Variants in DISC1 observed in about 807,000 individuals in gnomAD.
The protein encoded by DISC1 is disrupted in schizophrenia 1 protein.
In DISC1, 57 loss-of-function variants were observed where a neutral mutation model predicts 84.5. The ratio of observed to expected loss-of-function variants is 0.67; its 90% CI spans 0.55 to 0.84. The LOEUF is 0.84. Ranked by LOEUF, DISC1 falls within the 40% of genes least tolerant of loss-of-function variation. DISC1 has a pLI of 0.00. For synonymous variants in DISC1, 411 were observed against 415.2 expected (o/e 0.99, Z 0.12); for missense variants, 1,000 against 1,057.8 (o/e 0.95, Z 0.76).
At chr1:231,711,265 A>G (rs1420542314) in intron 3 of DISC1, among the ~76,000 whole-genome samples, 1 of 152,184 alleles carries the variant, frequency 6.6e-6, no homozygotes, top group Non-Finnish European at 1.5e-5. Flanking sequence ...TTGGAATAAA[A>G]CATAAATAGT....
chr1:231,851,963 G>A (rs2083932073), intron 9 of DISC1, among the ~76,000 whole-genome samples: 1 of 152,194 alleles, frequency 6.6e-6, no homozygotes, highest in Non-Finnish European at 1.5e-5. Context: ...TCCTTCATGG[G>A]AGAGGGTGCT....
intron 9 of DISC1, among the ~76,000 whole-genome samples, chr1:231,821,794 A>C (rs936066081): frequency 2.0e-5 from 3 of 150,846 alleles, no homozygotes; most frequent in African/African-American, 7.3e-5. Flanking sequence ...GCTCACTGCA[A>C]CCTCCGTCTC....
At chr1:232,011,671 TC>T (rs1668028596) in intron 11 of DISC1, among the ~76,000 whole-genome samples, 1 of 152,106 alleles carries the variant, frequency 6.6e-6, no homozygotes, top group Admixed American at 6.5e-5. Context: ...ATAGAAGTAT[TC>T]TCTCTCTTGA....
At chr1:231,898,762 T>C (rs1035146913) in intron 9 of DISC1, among the ~76,000 whole-genome samples, 2 of 151,804 alleles carry the variant, frequency 1.3e-5, no homozygotes, top group Non-Finnish European at 2.9e-5. Flanking sequence ...TAAAGTCCCA[T>C]CTCTACTAAA....
At chr1:231,728,853 T>C (rs2071120413) in intron 3 of DISC1, among the ~76,000 whole-genome samples, 1 of 152,224 alleles carries the variant, frequency 6.6e-6, no homozygotes, top group Admixed American at 6.5e-5. Context: ...TATATATATT[T>C]TTATTATGCT....
At chr1:232,002,095 A>G (rs1177013050) in intron 10 of DISC1, among the ~76,000 whole-genome samples, 1 of 152,204 alleles carries the variant, frequency 6.6e-6, no homozygotes, top group Non-Finnish European at 1.5e-5. Flanking sequence ...TGAAGAGGCT[A>G]TATGGATGGC....
At chr1:231,934,355 G>T (rs923194815) in intron 9 of DISC1, among the ~76,000 whole-genome samples, 5 of 152,180 alleles carry the variant, frequency 3.3e-5, no homozygotes, top group African/African-American at 1.2e-4. Flanking sequence ...TATGGGAATA[G>T]TTACTCTTCA....
chr1:231,947,768 A>G (rs1213700739), intron 9 of DISC1, among the ~76,000 whole-genome samples: 1 of 152,224 alleles, frequency 6.6e-6, no homozygotes, highest in Non-Finnish European at 1.5e-5. Flanking sequence ...CCAGTAAAAA[A>G]CAAATAGCCC....
chr1:231,738,485 T>G (rs2072816231), intron 3 of DISC1, among the ~76,000 whole-genome samples: 1 of 152,156 alleles, frequency 6.6e-6, no homozygotes, highest in African/African-American at 2.4e-5. Context: ...TTTCGGATGT[T>G]TCCTCATGAC....
chr1:231,634,089 G>C (rs1192505474), intron 1 of DISC1, among the ~76,000 whole-genome samples: 1 of 152,104 alleles, frequency 6.6e-6, no homozygotes. Context: ...TCACCATGTC[G>C]GCCAGGCTGG....
chr1:231,935,684 A>G (rs940515775), intron 9 of DISC1, among the ~76,000 whole-genome samples: 6 of 152,224 alleles, frequency 3.9e-5, no homozygotes, highest in Admixed American at 1.3e-4. Flanking sequence ...GCATAAATTA[A>G]GCACATTTAC....
chr1:231,762,587 G>A (rs1366026203), intron 4 of DISC1, among the ~76,000 whole-genome samples: 1 of 148,688 alleles, frequency 6.7e-6, no homozygotes, highest in African/African-American at 2.5e-5. Context: ...CTGGGCTCAA[G>A]TGATCCTCCT....
intron 1 of DISC1, 80 bp downstream of exon 1, chr1:231,627,014 G>A (rs2058308049): frequency 3.9e-6 from 4 of 1,028,370 alleles, no homozygotes; most frequent in South Asian, 1.6e-5. Context: ...CCAGGAAGTC[G>A]CGTAGGTCAG....
At chr1:231,774,395 A>T (rs2076798729) in intron 6 of DISC1, among the ~76,000 whole-genome samples, 1 of 152,224 alleles carries the variant, frequency 6.6e-6, no homozygotes, top group Non-Finnish European at 1.5e-5. Context: ...TAAGGAAGTT[A>T]TACAGGTGCC....
Position 232,009,520 on chromosome 1 carries a change from A to G in DISC1, c.2307+471A>G, listed in dbSNP as rs970226042. ...ATTTATTTGAATGAAACATTCAAATATATGTATTTATCCCATTAATTGTTT... is the reference window on the plus strand; with the variant it reads ...ATTTATTTGAATGAAACATTCAAATGTATGTATTTATCCCATTAATTGTTT... On this transcript the variant is annotated intron_variant, in intron 11 of 12. Transcript: ENST00000439617. The surrounding 1 kb of genome is among the most constrained non-coding windows in gnomAD (Gnocchi z 4.6). 4.6e-5 allele frequency: 36 copies of G among 782,998 alleles called. No homozygotes were observed. Among genetic ancestry groups the G allele is most frequent in the Non-Finnish European group, 5.6e-5 (36 of 646,062 alleles). The allele number at this position is 782,998 out of a possible 1,614,324, so 48.5% of individuals were successfully genotyped here. A position where few individuals can be genotyped will look rare whatever the true frequency, so the allele number is the denominator to read the frequency against.
At chr1:231,923,160 G>T (rs531159737) in intron 9 of DISC1, among the ~76,000 whole-genome samples, 1 of 151,980 alleles carries the variant, frequency 6.6e-6, no homozygotes, top group Admixed American at 6.6e-5. Context: ...GGTGGCATGC[G>T]TCTGTAATCC....
intron 3 of DISC1, among the ~76,000 whole-genome samples, chr1:231,711,844 G>A (rs558000345): frequency 6.6e-6 from 1 of 152,242 alleles, no homozygotes; most frequent in South Asian, 2.1e-4. Context: ...ATTTATTGCT[G>A]CATGTGGTAG....
intron 3 of DISC1, among the ~76,000 whole-genome samples, chr1:231,743,300 C>T (rs945621962): frequency 2.6e-5 from 4 of 152,108 alleles, no homozygotes; most frequent in African/African-American, 9.7e-5. Context: ...CCTCAGAAGG[C>T]CTTATGATGT....
At chr1:231,758,118 C>T (rs991068309) in intron 4 of DISC1, among the ~76,000 whole-genome samples, 2 of 151,944 alleles carry the variant, frequency 1.3e-5, no homozygotes, top group African/African-American at 4.8e-5. Flanking sequence ...AACCTTTTGG[C>T]CAATGGGTTC....
Sources: allele counts gnomAD v4.1 joint callset (sites outside exome capture counted in the v4.1 genomes callset), GRCh38; gene constraint gnomAD v4.1.1; non-coding constraint Gnocchi (gnomAD v3.1); transcripts MANE v1.5; gene names NCBI Gene and HGNC (gene_info 2026-07-23, HGNC 2026-07-21).